Variants in RSRC1 observed in about 807,000 individuals in gnomAD.
RSRC1 encodes serine/Arginine-related protein 53.
In RSRC1, 39 loss-of-function variants were observed where a neutral mutation model predicts 49.1. The ratio of observed to expected loss-of-function variants is 0.79; its 90% CI spans 0.61 to 1.04. The LOEUF (loss-of-function observed/expected upper bound fraction) is 1.04, where lower values mean the gene tolerates loss of function less well. RSRC1 is among the 50% of genes least tolerant of loss of function. The pLI, the probability that RSRC1 is intolerant of heterozygous loss-of-function variation, is 0.00. For missense variants in RSRC1, 388 were observed against 402.4 expected (o/e 0.96, Z 0.31); for synonymous variants, 143 against 130.8 (o/e 1.09, Z -0.63).
intron 7 of RSRC1, among the ~76,000 whole-genome samples, chr3:158,463,167 C>G (rs1259921912): frequency 6.6e-6 from 1 of 152,056 alleles, no homozygotes; most frequent in Non-Finnish European, 1.5e-5. Context: ...TTTTCTAAGA[C>G]AGGCCGTAAC....
intron 7 of RSRC1, among the ~76,000 whole-genome samples, chr3:158,468,446 T>C (rs1277870359): frequency 6.6e-6 from 1 of 152,216 alleles, no homozygotes; most frequent in Non-Finnish European, 1.5e-5. Flanking sequence ...ACACTCCTGC[T>C]TTCTCTCAAA....
At chr3:158,259,557 G>A (rs1464925467) in intron 4 of RSRC1, among the ~76,000 whole-genome samples, 1 of 152,132 alleles carries the variant, frequency 6.6e-6, no homozygotes, top group African/African-American at 2.4e-5. Flanking sequence ...CTTGTGCATG[G>A]CCTGCGGTGA....
chr3:158,297,963 A>T, intron 4 of RSRC1, 76 bp from the exon 5 acceptor site: 1 of 1,059,478 alleles, frequency 9.4e-7, no homozygotes, highest in Non-Finnish European at 1.5e-6. Context: ...AGGGTTTATA[A>T]AACATTTTTG....
chr3:158,335,396 G>A (rs1729829306), intron 5 of RSRC1, among the ~76,000 whole-genome samples: 1 of 152,140 alleles, frequency 6.6e-6, no homozygotes, highest in African/African-American at 2.4e-5. Context: ...ACCATGTATT[G>A]CTGAAAAGTT....
intron 4 of RSRC1, among the ~76,000 whole-genome samples, chr3:158,210,742 A>G (rs1721627425): frequency 6.6e-6 from 1 of 152,044 alleles, no homozygotes; most frequent in South Asian, 2.1e-4. Context: ...TTTAGAAAAG[A>G]TGAGGTCAAG....
intron 3 of RSRC1, among the ~76,000 whole-genome samples, chr3:158,165,194 A>T (rs1718462947): frequency 6.6e-6 from 1 of 152,206 alleles, no homozygotes; most frequent in African/African-American, 2.4e-5. Flanking sequence ...GATAATTAGA[A>T]ATGAAGCTTG....
chr3:158,201,351 A>C (rs1224570692), intron 3 of RSRC1, among the ~76,000 whole-genome samples: 1 of 152,078 alleles, frequency 6.6e-6, no homozygotes, highest in Non-Finnish European at 1.5e-5. Flanking sequence ...CTTAATATTT[A>C]TCTTACTTGG....
intron 6 of RSRC1, among the ~76,000 whole-genome samples, chr3:158,361,920 C>A (rs1232732755): frequency 6.6e-6 from 1 of 152,128 alleles, no homozygotes; most frequent in African/African-American, 2.4e-5. Context: ...CATTTGAATT[C>A]TTTTAGTCCT....
intron 3 of RSRC1, among the ~76,000 whole-genome samples, chr3:158,159,123 C>T (rs909391559): frequency 6.6e-6 from 1 of 151,954 alleles, no homozygotes; most frequent in Non-Finnish European, 1.5e-5. Flanking sequence ...GCTGGCCTGG[C>T]CTGAGATTCT....
intron 6 of RSRC1, among the ~76,000 whole-genome samples, chr3:158,382,728 T>G (rs114654851): frequency 1.9e-3 from 289 of 152,304 alleles, no homozygotes; most frequent in African/African-American, 6.3e-3. Context: ...AGCTGAAGAC[T>G]AAGGCCAGGC....
chr3:158,456,309 G>GT (rs74491157), intron 6 of RSRC1, among the ~76,000 whole-genome samples: 41,472 of 140,472 alleles, frequency 0.3, 6,628 homozygotes, highest in African/African-American at 0.45. Context: ...TTACGTGAGG[G>GT]TTTTTTTTTT....
chr3:158,467,547 T>C (rs1737944896), intron 7 of RSRC1, among the ~76,000 whole-genome samples: 1 of 152,204 alleles, frequency 6.6e-6, no homozygotes. Flanking sequence ...CAATTTGGCA[T>C]ACTCACCATA....
chr3:158,287,750 G>A (rs1015884522), intron 4 of RSRC1, among the ~76,000 whole-genome samples: 2 of 152,118 alleles, frequency 1.3e-5, no homozygotes, highest in South Asian at 2.1e-4. Context: ...TTGTATTTGT[G>A]TGTATTCATA....
At chr3:158,128,838 A>T (rs1715803683) in intron 3 of RSRC1, among the ~76,000 whole-genome samples, 1 of 152,094 alleles carries the variant, frequency 6.6e-6, no homozygotes, top group Admixed American at 6.5e-5. Context: ...TTGAGGAATA[A>T]TGGTGTTTAT....
intron 3 of RSRC1, among the ~76,000 whole-genome samples, chr3:158,124,436 A>G (rs1235884476): frequency 6.6e-6 from 1 of 152,210 alleles, no homozygotes; most frequent in Non-Finnish European, 1.5e-5. Flanking sequence ...GCCTGATAAA[A>G]TGAGTTTGGA....
intron 4 of RSRC1, among the ~76,000 whole-genome samples, chr3:158,252,428 GT>G (rs1724274532): frequency 6.6e-6 from 1 of 151,772 alleles, no homozygotes; most frequent in Admixed American, 6.6e-5. Flanking sequence ...GCCTCCCAAA[GT>G]GCTGGGATTA....
intron 6 of RSRC1, among the ~76,000 whole-genome samples, chr3:158,411,935 T>C (rs115543539): frequency 7.2e-4 from 109 of 152,230 alleles, no homozygotes; most frequent in African/African-American, 2.6e-3. Flanking sequence ...CTTTTTCTCA[T>C]TCACCAGAGT....
chr3:158,180,819 T>G (rs867655389), intron 3 of RSRC1, among the ~76,000 whole-genome samples: 12 of 148,654 alleles, frequency 8.1e-5, no homozygotes, highest in African/African-American at 3.0e-4. Flanking sequence ...TTTTTTTTTT[T>G]TTTGAGATGG....
intron 3 of RSRC1, among the ~76,000 whole-genome samples, chr3:158,186,632 T>G (rs1719946279): frequency 6.6e-6 from 1 of 151,932 alleles, no homozygotes; most frequent in African/African-American, 2.4e-5. Context: ...AGTAATAGCT[T>G]TTTCACAGAA....
Sources: gnomAD v4.1 joint callset for allele counts (sites outside exome capture counted in the v4.1 genomes callset) on GRCh38, gnomAD v4.1.1 for gene constraint, MANE v1.5 for transcripts, NCBI Gene and HGNC (gene_info 2026-07-23, HGNC 2026-07-21) for gene names.